TANC2: variants seen among roughly 807,000 people sequenced by gnomAD.
The protein encoded by TANC2 is protein TANC2.
TANC2 carries 26 observed loss-of-function variants against 210.5 expected under a neutral mutation model. The ratio of observed to expected loss-of-function variants is 0.12; its 90% confidence interval spans 0.09 to 0.17. The LOEUF (loss-of-function observed/expected upper bound fraction) is 0.17. Ranked by LOEUF, TANC2 falls within the 10% of genes least tolerant of loss-of-function variation. The pLI, the probability that TANC2 is intolerant of heterozygous loss-of-function variation, is 1.00. For synonymous variants in TANC2, 931 were observed against 967.1 expected (o/e 0.96, Z 0.69); for missense variants, 2,129 against 2,608.9 (o/e 0.82, Z 4.01).
At chr17:63,426,678 T>G (rs2049152734) in exon 28 of TANC2, 1 of 152,240 alleles carries the variant, frequency 6.6e-6, no homozygotes, top group Non-Finnish European at 1.5e-5. Flanking sequence ...TCTCATTGCC[T>G]CCTGCTGACT....
At chr17:63,163,930 T>C (rs1468018027) in intron 5 of TANC2, among the ~76,000 whole-genome samples, 62 of 152,328 alleles carry the variant, frequency 4.1e-4, no homozygotes, top group South Asian at 2.1e-4. Flanking sequence ...TACATTTGGC[T>C]GTTTAAAGAC....
At chr17:63,417,411 G>A (rs562444138) in intron 26 of TANC2, among the ~76,000 whole-genome samples, 3 of 152,078 alleles carry the variant, frequency 2.0e-5, no homozygotes, top group Non-Finnish European at 2.9e-5. Context: ...CTGCCTAGTC[G>A]GCGTTGTTCC....
At chr17:63,009,433 C>A in intron 1 of TANC2, 104 bp from the exon 2 acceptor site, 2 of 698,462 alleles carry the variant, frequency 2.9e-6, no homozygotes, top group Non-Finnish European at 4.8e-6. Context: ...TCCAGTTGTA[C>A]CCTTTAAGTT....
At chr17:63,416,485 A>C (rs1451377101) in intron 26 of TANC2, among the ~76,000 whole-genome samples, 1 of 152,224 alleles carries the variant, frequency 6.6e-6, no homozygotes, top group Non-Finnish European at 1.5e-5. Flanking sequence ...GGACAGAAGC[A>C]AGATTTGAAC....
chr17:63,421,280 G>C lies in TANC2; in HGVS notation c.5550G>C (p.Pro1850=), dbSNP rs773353569. The C allele has an allele frequency of 1.9e-6, 3 of 1,613,850 alleles. No homozygotes were observed. The highest frequency in any genetic ancestry group is 2.5e-6 in the Non-Finnish European group (3 of 1,179,892). The change falls in exon 28 of 28, where the codon CCG becomes CCC. Residue 1850 remains proline (P), a synonymous_variant. Coordinates refer to ENST00000689528, the Ensembl canonical transcript of TANC2. The surrounding 1 kb of genome is among the most constrained non-coding windows in gnomAD (Gnocchi z 6.9). ...ACCCTAACGAAATCAAACCGCACCC[G>C]CCAACTCCCAGGCCGTTGCTGCATT...
chr17:63,351,078 C>T (rs895169936), intron 12 of TANC2, among the ~76,000 whole-genome samples, 172 bp from the exon 13 acceptor site: 3 of 152,036 alleles, frequency 2.0e-5, no homozygotes, highest in African/African-American at 7.2e-5. Context: ...AATGAATTTA[C>T]TAAGTTAATT....
At chr17:63,093,875 A>G (rs2037291587) in intron 3 of TANC2, among the ~76,000 whole-genome samples, 2 of 152,038 alleles carry the variant, frequency 1.3e-5, no homozygotes, top group African/African-American at 4.8e-5. Context: ...CAGCCTCCCA[A>G]GTAGTAGCTG....
intron 8 of TANC2, among the ~76,000 whole-genome samples, chr17:63,263,481 C>G (rs961439451): frequency 1.3e-5 from 2 of 152,150 alleles, no homozygotes; most frequent in Non-Finnish European, 2.9e-5. Flanking sequence ...TCTTTTGAAG[C>G]TTAAAGTACC....
intron 15 of TANC2, among the ~76,000 whole-genome samples, 191 bp from the exon 16 acceptor site, chr17:63,388,444 C>CTGTT (rs1179428909): frequency 2.0e-5 from 3 of 152,152 alleles, no homozygotes; most frequent in Non-Finnish European, 4.4e-5. Context: ...GAGATGGAGA[C>CTGTT]TGTTTCAGTT....
intron 1 of TANC2, among the ~76,000 whole-genome samples, chr17:63,007,819 A>G (rs757099486): frequency 6.6e-6 from 1 of 152,040 alleles, no homozygotes; most frequent in Non-Finnish European, 1.5e-5. Flanking sequence ...TTAAGAACAT[A>G]TTTACCCTTC....
At chr17:63,344,929 G>A (rs557244296) in intron 12 of TANC2, among the ~76,000 whole-genome samples, 1 of 152,108 alleles carries the variant, frequency 6.6e-6, no homozygotes, top group Non-Finnish European at 1.5e-5. Flanking sequence ...GGCATGTATT[G>A]CCATATATGA....
At chr17:63,006,633 G>T (rs1224427679) in intron 1 of TANC2, among the ~76,000 whole-genome samples, 4 of 152,096 alleles carry the variant, frequency 2.6e-5, no homozygotes, top group African/African-American at 9.7e-5. Flanking sequence ...TACTCTGAAA[G>T]ATTTCAAAAT....
chr17:63,176,288 A>G (rs1267035033), intron 5 of TANC2, among the ~76,000 whole-genome samples: 1 of 152,254 alleles, frequency 6.6e-6, no homozygotes, highest in Non-Finnish European at 1.5e-5. Flanking sequence ...ACTGGAAACA[A>G]TACAATGTTT....
At chr17:63,052,175 G>A (rs2035606593) in intron 2 of TANC2, among the ~76,000 whole-genome samples, 1 of 152,148 alleles carries the variant, frequency 6.6e-6, no homozygotes, top group African/African-American at 2.4e-5. Flanking sequence ...TTTAGTATGT[G>A]CTTACTTTGT....
At chr17:63,392,113 T>A (rs771488763) in intron 17 of TANC2, among the ~76,000 whole-genome samples, 4 of 152,182 alleles carry the variant, frequency 2.6e-5, no homozygotes, top group Non-Finnish European at 5.9e-5. Flanking sequence ...GATCCTCTGG[T>A]CTTCCTTCCG....
At chr17:63,297,274 AG>A (rs1354961257) in intron 9 of TANC2, among the ~76,000 whole-genome samples, 7 of 152,208 alleles carry the variant, frequency 4.6e-5, no homozygotes, top group Non-Finnish European at 4.4e-5. Context: ...ATATTGAAAA[AG>A]AACAAAGTTG....
chr17:63,356,124 C>T (rs1350200126), intron 14 of TANC2, among the ~76,000 whole-genome samples: 1 of 151,802 alleles, frequency 6.6e-6, no homozygotes, highest in Non-Finnish European at 1.5e-5. Context: ...CTGATTTACC[C>T]CAGCACTCTT....
In TANC2 at chr17:63,006,920, A is replaced by C. The variant is rs959573391; in HGVS notation, c.-23-2617A>C. ...GTTTTCAGGCTTTCTTATTGGGTCC[A>C]TTGATTTAGAATTATGATATCTTGG... is the stretch of plus-strand genomic sequence containing the variant. On this transcript the variant is annotated intron_variant, in intron 1 of 27. Transcript: ENST00000689528. 1.1e-4 allele frequency among the ~76,000 whole-genome samples: 16 copies of C among 151,954 alleles called. 1 individual carries two copies. The highest frequency in any genetic ancestry group is 2.9e-5 in the Non-Finnish European group (2 of 68,012).
intron 7 of TANC2, among the ~76,000 whole-genome samples, chr17:63,232,409 T>C (rs1460048516): frequency 6.6e-6 from 1 of 152,272 alleles, no homozygotes; most frequent in Non-Finnish European, 1.5e-5. Flanking sequence ...CTTCAATCTT[T>C]GAGGCTGCTG....
Sources: gnomAD v4.1 joint callset for allele counts (sites outside exome capture counted in the v4.1 genomes callset) on GRCh38, gnomAD v4.1.1 for gene constraint, Gnocchi (gnomAD v3.1) non-coding constraint, MANE v1.5 for transcripts, NCBI Gene and HGNC (gene_info 2026-07-23, HGNC 2026-07-21) for gene names.